The following MTUS1 variants were observed in gnomAD, a reference collection of about 807,000 sequenced individuals.
MTUS1 encodes the protein microtubule-associated tumor suppressor 1.
A neutral mutation model predicts 120.8 loss-of-function variants in MTUS1; 109 were observed. That is an observed-to-expected ratio of 0.90 (90% CI 0.77 to 1.06). The LOEUF is 1.06. Among genes scored for constraint, MTUS1 ranks in the 50% least tolerant of loss-of-function variants. The probability of loss-of-function intolerance (pLI) is 0.00; values close to 1 mark genes in which losing one functional copy is unlikely to be tolerated. For missense variants in MTUS1, 2,210 were observed against 1,486.3 expected (o/e 1.49, Z -8.01); for synonymous variants, 737 against 550.5 (o/e 1.34, Z -4.74).
chr8:17,782,382 G>C (rs536270976), intron 1 of MTUS1, among the ~76,000 whole-genome samples: 1 of 152,256 alleles, frequency 6.6e-6, no homozygotes, highest in African/African-American at 2.4e-5. Flanking sequence ...GTCTACCAGA[G>C]ATACTATACA....
At chr8:17,786,487 G>A (rs185533198) in intron 1 of MTUS1, among the ~76,000 whole-genome samples, 1 of 152,310 alleles carries the variant, frequency 6.6e-6, no homozygotes, top group African/African-American at 2.4e-5. Flanking sequence ...GCCTCAGATA[G>A]GAAGCGTGAA....
intron 1 of MTUS1, among the ~76,000 whole-genome samples, chr8:17,783,743 G>C (rs572845672): frequency 6.6e-6 from 1 of 152,216 alleles, no homozygotes; most frequent in African/African-American, 2.4e-5. Flanking sequence ...GCTCAAGCAA[G>C]ACAGACACCA....
At position 17,723,669 on chromosome 8, in the gene MTUS1, T is replaced by C. The variant is rs758408237; in HGVS notation, c.2449+3A>G. The C allele has an allele frequency of 2.4e-5, 39 of 1,608,744 alleles. No individual in the cohort carries two copies. The East Asian group carries it at 4.7e-4, about 19-fold the overall frequency. On this transcript the variant is annotated splice_donor_region_variant and intron_variant, in intron 4 of 14. Transcript: ENST00000693296. ...CCCGAAGTGTGATATAAAGTCGACT[T>C]ACAATTGTTGCTGTAAGTGCTCAGC...
At chr8:17,707,558 C>T (rs931204616) in intron 6 of MTUS1, among the ~76,000 whole-genome samples, 4 of 152,108 alleles carry the variant, frequency 2.6e-5, no homozygotes, top group Admixed American at 1.3e-4. Context: ...TCTATAGATT[C>T]AATGTAACAG....
chr8:17,666,429 G>A (rs542822744), intron 8 of MTUS1, among the ~76,000 whole-genome samples: 2 of 152,194 alleles, frequency 1.3e-5, no homozygotes, highest in Admixed American at 1.3e-4. Flanking sequence ...TTATAAGAAT[G>A]GACTCAATTC....
At chr8:17,724,158 C>A in intron 3 of MTUS1, 1 of 477,008 alleles carries the variant, frequency 2.1e-6, no homozygotes, top group Non-Finnish European at 4.1e-6. Context: ...CAGCTTTTGG[C>A]AAAACTGAAA....
chr8:17,755,488 G>C lies in MTUS1; in HGVS notation c.320C>G (p.Ala107Gly). 6.2e-7 allele frequency: 1 copy of C among 1,614,122 alleles called. No individual in the cohort carries two copies. ...TTTGGGCTTCTCAGTACCTACAAGT[G>C]CAGGACACTGACAAATAGAATCTTT... The part of the protein sequence containing the change: ...MHKDSICQCP[A>G]LVGTEKPKYL... The change falls in exon 2 of 15, where the codon GCA (alanine) becomes GGA (glycine). Residue 107 changes from alanine (A) to glycine (G), a missense_variant. Transcript: ENST00000693296.
At chr8:17,705,434 T>C (rs975271109) in intron 6 of MTUS1, among the ~76,000 whole-genome samples, 1 of 152,232 alleles carries the variant, frequency 6.6e-6, no homozygotes, top group Admixed American at 6.5e-5. Flanking sequence ...TGAAATACTT[T>C]GTATATATGT....
chr8:17,653,688 A>T (rs1211197502), intron 10 of MTUS1, 190 bp from the exon 11 acceptor site: 2 of 518,132 alleles, frequency 3.9e-6, no homozygotes, highest in Non-Finnish European at 6.7e-6. Context: ...TAGGGTAGAC[A>T]TTCCCATTTT....
chr8:17,795,092 A>T (rs992154248), intron 1 of MTUS1, among the ~76,000 whole-genome samples: 1 of 152,256 alleles, frequency 6.6e-6, no homozygotes, highest in Non-Finnish European at 1.5e-5. Flanking sequence ...CCAGATTGGT[A>T]TATGTGTAAA....
At chr8:17,751,752 G>A (rs1156343211) in intron 2 of MTUS1, among the ~76,000 whole-genome samples, 8 of 151,224 alleles carry the variant, frequency 5.3e-5, no homozygotes, top group Non-Finnish European at 1.0e-4. Flanking sequence ...CAGCTACCTG[G>A]GAGGCTGAGG....
At chr8:17,679,502 TA>T (rs1563188339) in intron 7 of MTUS1, among the ~76,000 whole-genome samples, 3,656 of 99,582 alleles carry the variant, frequency 0.037, 169 homozygotes, top group African/African-American at 0.098. Flanking sequence ...TTTATTTATT[TA>T]TTTATTTATT....
intron 6 of MTUS1, 82 bp downstream of exon 6, chr8:17,713,132 T>TA (rs773992382): frequency 4.1e-5 from 48 of 1,158,000 alleles, no homozygotes; most frequent in South Asian, 1.3e-4. Context: ...AGCACACCAG[T>TA]AAAAAATCAC....
At position 17,653,184 on chromosome 8, in the gene MTUS1, A is replaced by T. The variant is rs539142997; in HGVS notation, c.3384+2T>A. The T allele has an allele frequency of 6.6e-7, 1 of 1,516,362 alleles. No individual in the cohort carries two copies. Among genetic ancestry groups the T allele is most frequent in the East Asian group, 2.3e-5 (1 of 43,354 alleles). 93.9% of individuals were successfully genotyped at this position (1,516,362 alleles called of 1,614,324 possible). On this transcript the variant is annotated splice_donor_variant, in intron 12 of 14. Coordinates refer to ENST00000693296, the MANE Select transcript of MTUS1 (RefSeq NM_001363059.2). LOFTEE classifies it high-confidence loss of function. ...ACTGATAAAGGAGCACACACAACTT[A>T]CCAAATTTGCTTTTTCTCTTGCTCT...
At chr8:17,723,451 T>C (rs1333806637) in intron 4 of MTUS1, 1 of 592,168 alleles carries the variant, frequency 1.7e-6, no homozygotes, top group East Asian at 3.0e-5. Context: ...CGATGCACTT[T>C]CGAATCCTTC....
rs778253591 is a variant in MTUS1, at chr8:17,723,798, A to G, written c.2323T>C (p.Trp775Arg). The change falls in exon 4 of 15, where the codon TGG becomes CGG. Residue 775 changes from tryptophan to arginine, a missense_variant. Trp to Arg is a moderately radical substitution (Grantham distance 101). Transcript: ENST00000693296. ...PTSLKTAQSS[W>R]VNLPRPLPKS... is the part of the protein sequence containing the mutation. ...GGAAGTGGTCTAGGCAAATTCACCCATGACGACTGTGCAGTTTTCAAGGAT... is the reference window on the plus strand; with the variant it reads ...GGAAGTGGTCTAGGCAAATTCACCCGTGACGACTGTGCAGTTTTCAAGGAT... 1.1e-5 allele frequency: 18 copies of G among 1,605,242 alleles called. 1 individual carries two copies. Among genetic ancestry groups the G allele is most frequent in the East Asian group, 2.2e-5 (1 of 44,844 alleles).
At chr8:17,779,042 G>C (rs534834697) in intron 1 of MTUS1, among the ~76,000 whole-genome samples, 1 of 152,258 alleles carries the variant, frequency 6.6e-6, no homozygotes, top group African/African-American at 2.4e-5. Flanking sequence ...ACATAGGAAA[G>C]CATGGATGCT....
intron 6 of MTUS1, among the ~76,000 whole-genome samples, chr8:17,712,104 C>T (rs1192326255): frequency 3.9e-5 from 6 of 152,138 alleles, no homozygotes; most frequent in African/African-American, 9.7e-5. Context: ...AAATGTAACA[C>T]ACAGACATGA....
chr8:17,746,085 T>C (rs2047720603), intron 2 of MTUS1, among the ~76,000 whole-genome samples: 1 of 152,216 alleles, frequency 6.6e-6, no homozygotes. Flanking sequence ...TTAAACCTCT[T>C]TTCTTTATAA....
Sources: allele counts gnomAD v4.1 joint callset (sites outside exome capture counted in the v4.1 genomes callset), GRCh38; gene constraint gnomAD v4.1.1; transcripts MANE v1.5; gene names NCBI Gene and HGNC (gene_info 2026-07-23, HGNC 2026-07-21).